The following WFDC1 variants were observed in gnomAD, a reference collection of about 807,000 sequenced individuals.
The protein encoded by WFDC1 is WAP four-disulfide core domain protein 1.
Under a neutral mutation model 32.9 loss-of-function variants are expected in WFDC1, and 39 were observed. That is an observed-to-expected ratio of 1.19 (90% CI 0.92 to 1.55). WFDC1 has a LOEUF of 1.55. WFDC1 is among the 40% of genes most tolerant of loss of function. The pLI is 0.00. For synonymous variants in WFDC1, 184 were observed against 137.4 expected (o/e 1.34, Z -2.37); for missense variants, 386 against 309.5 (o/e 1.25, Z -1.85).
chr16:84,318,243 G>A, intron 2 of WFDC1, 29 bp from the exon 3 acceptor site: 2 of 1,612,592 alleles, frequency 1.2e-6, no homozygotes, highest in African/African-American at 2.7e-5. Flanking sequence ...GCTTGAGGAG[G>A]GCCCTGATCT....
intron 1 of WFDC1, among the ~76,000 whole-genome samples, chr16:84,302,330 C>G (rs186932592): frequency 2.0e-5 from 3 of 152,138 alleles, no homozygotes; most frequent in Non-Finnish European, 2.9e-5. Context: ...GCCGCCAACT[C>G]GCACACTTAA....
At chr16:84,316,589 C>T (rs1481264715) in intron 2 of WFDC1, 1 of 151,594 alleles carries the variant, frequency 6.6e-6, no homozygotes, top group African/African-American at 2.4e-5. Context: ...GGGAGACCGC[C>T]TATCTCTGTA....
chr16:84,308,651 A>G (rs1162909810), intron 1 of WFDC1, among the ~76,000 whole-genome samples: 6 of 151,860 alleles, frequency 4.0e-5, no homozygotes, highest in African/African-American at 9.7e-5. Flanking sequence ...CTGGGTGTAC[A>G]CTCCATCCTG....
At chr16:84,295,559 C>T (rs903310572) in intron 1 of WFDC1, 2 of 196,788 alleles carry the variant, frequency 1.0e-5, no homozygotes, top group African/African-American at 2.3e-5. Context: ...TAGCAGAAAC[C>T]GCTCTGGGGA....
At chr16:84,329,246 G>A (rs1208173626) in intron 6 of WFDC1, 76 bp from the exon 7 acceptor site, 2 of 152,230 alleles carry the variant, frequency 1.3e-5, no homozygotes, top group Non-Finnish European at 2.9e-5. Context: ...GCCCTGCAGT[G>A]GTTCACCCTG....
chr16:84,317,234 A>T (rs1434833067), intron 2 of WFDC1: 2 of 152,100 alleles, frequency 1.3e-5, no homozygotes, highest in African/African-American at 2.4e-5. Context: ...CAGAGGTTGC[A>T]ATGAGCTGAG....
chr16:84,294,920 G>C lies in WFDC1; in HGVS notation c.-52G>C. On this transcript the variant is annotated 5_prime_UTR_variant, in exon 1 of 7. Coordinates refer to ENST00000219454, the MANE Select transcript of WFDC1 (RefSeq NM_021197.4). ...GTCCCCACTCACAGGCCCACGCAGC[G>C]AGGGGGGCCCCTCTTCTGTGTGCGT... is the stretch of plus-strand genomic sequence containing the variant. 1 of 1,581,426 alleles carries C rather than the reference G, an allele frequency of 6.3e-7. No individual in the cohort carries two copies. The highest frequency in any genetic ancestry group is 2.2e-5 in the East Asian group (1 of 44,604).
At position 84,318,374 on chromosome 16, in the gene WFDC1, C is replaced by G; in HGVS notation, c.421+19C>G. 6.2e-7 allele frequency: 1 copy of G among 1,612,356 alleles called. No homozygotes were observed. Among genetic ancestry groups the G allele is most frequent in the Non-Finnish European group, 8.5e-7 (1 of 1,178,580 alleles). On this transcript the variant is annotated intron_variant, in intron 3 of 6. Coordinates refer to ENST00000219454, the MANE Select transcript of WFDC1 (RefSeq NM_021197.4). ...TTACAAGGTACCTGCCGGGTAAAGCCCAGACCCTACATCCAAGCCTCGATC... is the reference window on the plus strand; with the variant it reads ...TTACAAGGTACCTGCCGGGTAAAGCGCAGACCCTACATCCAAGCCTCGATC...
rs1217389101 is a variant in WFDC1, at chr16:84,329,387, A to T, written c.*81A>T. 1 of 152,022 alleles carries T rather than the reference A, an allele frequency of 6.6e-6. No individual in the cohort carries two copies. Among genetic ancestry groups the T allele is most frequent in the Non-Finnish European group, 1.5e-5 (1 of 68,030 alleles). 9.4% of individuals were successfully genotyped at this position (152,022 alleles called of 1,614,324 possible). ...GGAAACAGTTGGGAAAAGTAGTTTG[A>T]CCCTCACAGTTCACATTCAGCTCAG... On this transcript the variant is annotated 3_prime_UTR_variant, in exon 7 of 7. Transcript: ENST00000219454.
chr16:84,295,190 A>G, intron 1 of WFDC1, 75 bp downstream of exon 1: 1 of 1,559,612 alleles, frequency 6.4e-7, no homozygotes, highest in Non-Finnish European at 8.7e-7. Flanking sequence ...CGATCCCTAG[A>G]CACTGCCTTC....
At chr16:84,297,839 T>C (rs1906699864) in intron 1 of WFDC1, among the ~76,000 whole-genome samples, 1 of 152,104 alleles carries the variant, frequency 6.6e-6, no homozygotes, top group African/African-American at 2.4e-5. Flanking sequence ...GGAGAACCTA[T>C]GACTTTCATG....
intron 2 of WFDC1, among the ~76,000 whole-genome samples, chr16:84,315,786 A>G (rs751963866): frequency 6.6e-6 from 1 of 152,094 alleles, no homozygotes; most frequent in Non-Finnish European, 1.5e-5. Flanking sequence ...CACTGGTCTA[A>G]CTCAGGCCCT....
chr16:84,295,488 C>A, intron 1 of WFDC1: 2 of 376,046 alleles, frequency 5.3e-6, no homozygotes, highest in East Asian at 4.1e-5. Context: ...TACACTTATG[C>A]ATTCATGTGG....
intron 4 of WFDC1, among the ~76,000 whole-genome samples, chr16:84,323,043 G>A (rs1908397913): frequency 6.6e-6 from 1 of 152,206 alleles, no homozygotes. Context: ...GTGGTGTTAT[G>A]GGCCAGAATT....
At chr16:84,295,146 G>T (rs369797) in intron 1 of WFDC1, 31 bp downstream of exon 1, 1,589,548 of 1,610,024 alleles carry the variant, frequency 0.99, 786,640 homozygotes, top group East Asian at 1. Flanking sequence ...GGCTGGGGCA[G>T]CCTGTGTGGG....
At chr16:84,307,887 G>A (rs889580653) in intron 1 of WFDC1, among the ~76,000 whole-genome samples, 24 of 152,146 alleles carry the variant, frequency 1.6e-4, no homozygotes, top group African/African-American at 5.8e-4. Context: ...GAAAGTTATT[G>A]GTGGTGGTTA....
At chr16:84,313,620 G>A (rs1010881267) in intron 2 of WFDC1, among the ~76,000 whole-genome samples, 1 of 152,246 alleles carries the variant, frequency 6.6e-6, no homozygotes, top group South Asian at 2.1e-4. Flanking sequence ...GGATGAGGAG[G>A]TGTCCTCTAG....
chr16:84,319,282 G>A, intron 3 of WFDC1, 149 bp from the exon 4 acceptor site: 1 of 1,077,042 alleles, frequency 9.3e-7, no homozygotes, highest in Admixed American at 2.7e-5. Context: ...CCAGGGCCTA[G>A]CCTGGAACCT....
intron 2 of WFDC1, among the ~76,000 whole-genome samples, chr16:84,313,688 G>C (rs916241749): frequency 6.6e-6 from 1 of 152,162 alleles, no homozygotes; most frequent in African/African-American, 2.4e-5. Flanking sequence ...CCTGGCCCTG[G>C]GGTATTTGAG....
Sources: gnomAD v4.1 joint callset for allele counts (sites outside exome capture counted in the v4.1 genomes callset) on GRCh38, gnomAD v4.1.1 for gene constraint, MANE v1.5 for transcripts, NCBI Gene and HGNC (gene_info 2026-07-23, HGNC 2026-07-21) for gene names.